HERC2: variants seen among roughly 807,000 people sequenced by gnomAD.
HERC2 encodes the protein E3 ubiquitin-protein ligase HERC2.
Under a neutral mutation model 537.7 loss-of-function variants are expected in HERC2, and 102 were observed. The observed-to-expected ratio is 0.19, with a 90% CI of 0.16 to 0.22. The LOEUF is 0.22. HERC2 is among the 10% of genes least tolerant of loss of function. The pLI, the probability that HERC2 is intolerant of heterozygous loss-of-function variation, is 1.00. For synonymous variants in HERC2, 2,224 were observed against 2,466.2 expected (o/e 0.90, Z 2.91); for missense variants, 4,236 against 6,198.2 (o/e 0.68, Z 10.63).
At chr15:28,198,883 C>CA (rs1897616732) in intron 48 of HERC2, 114 bp from the exon 49 acceptor site, 1 of 1,023,150 alleles carries the variant, frequency 9.8e-7, no homozygotes, top group African/African-American at 1.6e-5. Context: ...CATGGTGGCT[C>CA]ACGTCTGTAA....
rs549832070 is a variant in HERC2, at chr15:28,225,361, G to C, written c.5464+2857C>G. Among the ~76,000 whole-genome samples the C allele has an allele frequency of 5.0e-4, 76 of 152,026 alleles. No individual in the cohort carries two copies. The East Asian group carries it at 0.01, about 21-fold the overall frequency. On this transcript the variant is annotated intron_variant, in intron 35 of 92. Transcript: ENST00000261609. Reference sequence around the variant, plus strand: ...GAAAAATAACAAAACCAAAAGTTTGGTTTCTGACAAGAACAAAAAATCTGA... The same window carrying C: ...GAAAAATAACAAAACCAAAAGTTTGCTTTCTGACAAGAACAAAAAATCTGA...
intron 72 of HERC2, 71 bp downstream of exon 72, chr15:28,144,602 G>A (rs763843978): frequency 9.5e-6 from 15 of 1,585,454 alleles, no homozygotes; most frequent in South Asian, 3.3e-5. Flanking sequence ...ACATGTGCAC[G>A]TGTCCCTGTT....
In HERC2 at chr15:28,226,016, C is replaced by T. The variant is rs568163538; in HGVS notation, c.5464+2202G>A. On this transcript the variant is annotated intron_variant, in intron 35 of 92. Transcript: ENST00000261609. ...TACCAAAGATTTAAAGCAGAATTGA[C>T]ACCAATCCTCAAACTCTTCTAAAAA... 3.9e-5 allele frequency among the ~76,000 whole-genome samples: 6 copies of T among 152,312 alleles called. No individual in the cohort carries two copies. In the South Asian group the frequency reaches 1.0e-3, roughly 26 times the overall value.
chr15:28,126,506 A>C (rs1020972373), intron 83 of HERC2, among the ~76,000 whole-genome samples: 2 of 152,262 alleles, frequency 1.3e-5, no homozygotes, highest in African/African-American at 2.4e-5. Context: ...CAATGAGTGG[A>C]TAAAGAAAAT....
At chr15:28,314,956 G>A (rs1014600804) in intron 2 of HERC2, among the ~76,000 whole-genome samples, 6 of 152,160 alleles carry the variant, frequency 3.9e-5, no homozygotes, top group East Asian at 1.9e-4. Context: ...GCAGCTTCTC[G>A]CAGGACAATA....
At chr15:28,179,591 T>TC (rs1214749385) in intron 57 of HERC2, among the ~76,000 whole-genome samples, 1 of 152,248 alleles carries the variant, frequency 6.6e-6, no homozygotes, top group Non-Finnish European at 1.5e-5. Flanking sequence ...CTTTCTATCA[T>TC]TCTTTTAGAG....
At chr15:28,271,981 A>G (rs1159094333) in intron 9 of HERC2, 1 of 539,638 alleles carries the variant, frequency 1.9e-6, no homozygotes, top group African/African-American at 1.9e-5. Flanking sequence ...TATTTATTTA[A>G]AAGTGAATGT....
chr15:28,142,057 AAAAAT>A (rs1891279432), intron 76 of HERC2, among the ~76,000 whole-genome samples, 176 bp downstream of exon 76: 1 of 152,214 alleles, frequency 6.6e-6, no homozygotes, highest in Non-Finnish European at 1.5e-5. Flanking sequence ...GTAGTTTACT[AAAAAT>A]AAACTTTAAC....
chr15:28,175,820 A>T (rs1307698252), intron 63 of HERC2, among the ~76,000 whole-genome samples, 164 bp from the exon 64 acceptor site: 2 of 152,248 alleles, frequency 1.3e-5, no homozygotes, highest in Admixed American at 1.3e-4. Context: ...CATTAATTCA[A>T]ATTAACTTAT....
intron 68 of HERC2, among the ~76,000 whole-genome samples, chr15:28,164,177 A>G (rs2142453530): frequency 6.6e-6 from 1 of 152,320 alleles, no homozygotes; most frequent in South Asian, 2.1e-4. Context: ...CCAGAGGAAG[A>G]TCGAGAGCCA....
chr15:28,284,695 G>T (rs2076107020), intron 4 of HERC2, among the ~76,000 whole-genome samples: 1 of 151,870 alleles, frequency 6.6e-6, no homozygotes, highest in Admixed American at 6.6e-5. Context: ...GGCCAAGGTG[G>T]GTGGATCTCA....
At chr15:28,148,251 C>A (rs963035166) in intron 70 of HERC2, among the ~76,000 whole-genome samples, 1 of 151,870 alleles carries the variant, frequency 6.6e-6, no homozygotes, top group Non-Finnish European at 1.5e-5. Flanking sequence ...GACAGAATTA[C>A]AATAAAACTA....
In HERC2 at chr15:28,117,091, G is replaced by A; in HGVS notation, c.13336C>T (p.Gln4446Ter). 6.2e-7 allele frequency: 1 copy of A among 1,614,144 alleles called. No homozygotes were observed. The highest frequency in any genetic ancestry group is 8.5e-7 in the Non-Finnish European group (1 of 1,179,988). Residue 4446 changes from glutamine (Q) to a stop codon, truncating the protein, a stop_gained, in exon 87 of 93, where the codon CAG becomes TAG. Coordinates refer to ENST00000261609, the MANE Select transcript of HERC2 (RefSeq NM_004667.6). LOFTEE classifies it high-confidence loss of function. ...GPDGTKSVFG[Q>*]MCAKMSSFGP... is the part of the protein sequence containing the mutation. The stretch of plus-strand genomic sequence containing the variant: ...AACGAGCTCATCTTAGCACACATCT[G>A]CCCAAAGACAGACTTGGTGCCGTCG...
Position 28,272,991 on chromosome 15 carries a change from T to C in HERC2, c.814A>G (p.Thr272Ala). The C allele has an allele frequency of 1.2e-6, 2 of 1,612,332 alleles. No individual in the cohort carries two copies. The highest frequency in any genetic ancestry group is 1.7e-6 in the Non-Finnish European group (2 of 1,179,938). The change falls in exon 8 of 93, where the codon ACG (threonine) becomes GCG (alanine). Residue 272 changes from threonine to alanine, a missense_variant. Thr to Ala is a moderately conservative substitution (Grantham distance 58). Coordinates refer to ENST00000261609, the MANE Select transcript of HERC2 (RefSeq NM_004667.6). ...CTTCCTGGCCCTTTGGTGGCTGGCG[T>C]TCCGTGAACATCCCTGAAATGAAAG... ...RSVVTGDVHG[T>A]PATKGPGSIP...
intron 2 of HERC2, among the ~76,000 whole-genome samples, chr15:28,307,100 G>A (rs1409616653): frequency 1.3e-5 from 2 of 152,214 alleles, no homozygotes; most frequent in African/African-American, 4.8e-5. Context: ...CTCCCAAAGT[G>A]CTGGGATTAC....
At chr15:28,243,711 C>T (rs1327422727) in intron 23 of HERC2, among the ~76,000 whole-genome samples, 1 of 152,098 alleles carries the variant, frequency 6.6e-6, no homozygotes, top group Non-Finnish European at 1.5e-5. Flanking sequence ...ATGGGTCAAA[C>T]AGGGAGTGCT....
intron 2 of HERC2, among the ~76,000 whole-genome samples, chr15:28,305,036 G>T (rs1192814435): frequency 6.7e-6 from 1 of 148,928 alleles, no homozygotes; most frequent in Non-Finnish European, 1.5e-5. Context: ...CCCTACAAAG[G>T]ACATGAACTC....
At chr15:28,183,790 T>C (rs1240758617) in intron 56 of HERC2, among the ~76,000 whole-genome samples, 2 of 152,236 alleles carry the variant, frequency 1.3e-5, no homozygotes, top group Non-Finnish European at 2.9e-5. Flanking sequence ...CAAAATTTCA[T>C]GTTTTGGAAT....
chr15:28,116,241 A>C (rs540955122), intron 88 of HERC2, among the ~76,000 whole-genome samples: 1 of 102,248 alleles, frequency 9.8e-6, no homozygotes, highest in South Asian at 3.2e-4. Context: ...TTTTTTTTTG[A>C]TACAGAGTGT....
Sources: gnomAD v4.1 joint callset for allele counts (sites outside exome capture counted in the v4.1 genomes callset) on GRCh38, gnomAD v4.1.1 for gene constraint, MANE v1.5 for transcripts, NCBI Gene and HGNC (gene_info 2026-07-23, HGNC 2026-07-21) for gene names.